Variants in KRT37 observed in about 807,000 individuals in gnomAD.
The protein encoded by KRT37 is keratin, type I cuticular Ha7.
Under a neutral mutation model 41.9 loss-of-function variants are expected in KRT37, and 38 were observed. The observed-to-expected ratio is 0.91, with a 90% confidence interval of 0.70 to 1.19. The LOEUF is 1.19. Among genes scored for constraint, KRT37 ranks in the 50% most tolerant of loss-of-function variants. KRT37 has a pLI of 0.00. For missense variants in KRT37, 580 were observed against 575.5 expected (o/e 1.01, Z -0.08); for synonymous variants, 252 against 243.4 (o/e 1.04, Z -0.33).
Position 41,421,651 on chromosome 17 carries a change from A to G in KRT37, c.1021-64T>C, listed in dbSNP as rs1340111055. ...CCAAAACTCAGCAGTGAAAATCATG[A>G]CCAAACTCATCACACATAGGGCAAA... On this transcript the variant is annotated intron_variant, in intron 5 of 6. Coordinates refer to ENST00000225550, the MANE Select transcript of KRT37 (RefSeq NM_003770.5). 8 of 1,509,408 alleles carry G rather than the reference A, an allele frequency of 5.3e-6. No individual in the cohort carries two copies. In the African/African-American group the frequency reaches 1.1e-4, roughly 21 times the overall value. 93.5% of individuals were successfully genotyped at this position (1,509,408 alleles called of 1,614,324 possible).
Position 41,422,888 on chromosome 17 carries a change from A to C in KRT37, c.622T>G (p.Cys208Gly), listed in dbSNP as rs780697379. The C allele has an allele frequency of 1.2e-6, 2 of 1,614,010 alleles. No individual in the cohort carries two copies. The highest frequency in any genetic ancestry group is 2.2e-5 in the South Asian group (2 of 91,070). The change falls in exon 3 of 7, where the codon TGC becomes GGC. Residue 208 changes from cysteine to glycine, a missense_variant. By Grantham distance (159) the Cys-to-Gly change is radical. Transcript: ENST00000225550. ...SLHQLVEADK[C>G]GTQKLLDDAT... ...TCATCCAGGAGCTTCTGCGTCCCGC[A>C]CTTGTCCGCCTCCACCAGCTGGTGA... is the stretch of plus-strand genomic sequence containing the variant.
At chr17:41,421,222 CA>C (rs2018534768) in intron 6 of KRT37, 144 bp downstream of exon 6, 1 of 919,500 alleles carries the variant, frequency 1.1e-6, no homozygotes, top group African/African-American at 1.7e-5. Context: ...CTGCACAGAC[CA>C]GGAGAGGTTA....
intron 6 of KRT37, 92 bp downstream of exon 6, chr17:41,421,275 A>G (rs2018535385): frequency 3.0e-6 from 4 of 1,345,424 alleles, no homozygotes. Flanking sequence ...CTTGTTTGTT[A>G]AGATGATATC....
rs374160926 is a variant in KRT37, at chr17:41,424,341, G to A, written c.183C>T (p.Pro61=). 23 of 1,614,012 alleles carry A rather than the reference G, an allele frequency of 1.4e-5. No individual in the cohort carries two copies. The highest frequency in any genetic ancestry group is 3.3e-4 in the Middle Eastern group (2 of 6,084). Residue 61 remains proline, a synonymous_variant, in exon 1 of 7, where the codon CCC becomes CCT. Coordinates refer to ENST00000225550, the MANE Select transcript of KRT37 (RefSeq NM_003770.5). ...GCAGACAGAGGCTGGGGCGGCCCAG[G>A]GGAGTCGACCCCACACGGACTCTGT... ...HANRVRVGST[P]LGRPSLCLPP...
rs1251097734 is a variant in KRT37 at position 41,422,372 on chromosome 17, G to A, written c.795C>T (p.Pro265=). The change falls in exon 4 of 7, where the codon CCC becomes CCT. Residue 265 remains proline, a synonymous_variant. Transcript: ENST00000225550. ...EKFRIELDIE[P]TIDLNRVLGE... ...CCAACACCCTGTTCAGGTCAATGGTGGGCTCAATGTCCAGCTCGATCCGGA... is the reference window on the plus strand; with the variant it reads ...CCAACACCCTGTTCAGGTCAATGGTAGGCTCAATGTCCAGCTCGATCCGGA... 3 of 1,614,028 alleles carry A rather than the reference G, an allele frequency of 1.9e-6. No individual in the cohort carries two copies. The highest frequency in any genetic ancestry group is 2.5e-6 in the Non-Finnish European group (3 of 1,180,004).
At position 41,421,622 on chromosome 17, in the gene KRT37, T is replaced by C. The variant is rs1597719700; in HGVS notation, c.1021-35A>G. Reference sequence around the variant, plus strand: ...GAAATAATGGGGTAAGAGATCCAGGTGCCCCAAAACTCAGCAGTGAAAATC... The same window carrying C: ...GAAATAATGGGGTAAGAGATCCAGGCGCCCCAAAACTCAGCAGTGAAAATC... On this transcript the variant is annotated intron_variant, in intron 5 of 6. Transcript: ENST00000225550. The C allele has an allele frequency of 4.4e-6, 7 of 1,599,830 alleles. No homozygotes were observed. The East Asian group carries it at 1.6e-4, about 36-fold the overall frequency.
chr17:41,421,108 C>T (rs754678430), intron 6 of KRT37, 122 bp from the exon 7 acceptor site: 23 of 799,246 alleles, frequency 2.9e-5, no homozygotes, highest in Admixed American at 1.7e-4. Context: ...GAATCTATAC[C>T]AACAGTTCTC....
At position 41,424,364 on chromosome 17, in the gene KRT37, T is replaced by G. The variant is rs769535161; in HGVS notation, c.160A>C (p.Arg54=). The stretch of plus-strand genomic sequence containing the variant: ...AGGGGAGTCGACCCCACACGGACTC[T>G]GTTGGCGTGTGCCACGTTGGCCAAG... The part of the protein sequence containing the change: ...CLLANVAHAN[R]VRVGSTPLGR... The change falls in exon 1 of 7, where the codon AGA becomes CGA. Residue 54 remains arginine, a synonymous_variant. Coordinates refer to ENST00000225550, the MANE Select transcript of KRT37 (RefSeq NM_003770.5). 1.8e-5 allele frequency: 29 copies of G among 1,613,894 alleles called. No individual in the cohort carries two copies. Among genetic ancestry groups the G allele is most frequent in the Admixed American group, 1.2e-4 (7 of 59,998 alleles).
At chr17:41,423,733 T>A in intron 2 of KRT37, 29 bp downstream of exon 2, 1 of 1,604,930 alleles carries the variant, frequency 6.2e-7, no homozygotes, top group Non-Finnish European at 8.5e-7. Flanking sequence ...AGGAGAGAAG[T>A]CACACTGACC....
At position 41,424,287 on chromosome 17, in the gene KRT37, C is replaced by G; in HGVS notation, c.237G>C (p.Leu79Phe). Residue 79 changes from leucine (L) to phenylalanine (F), a missense_variant, in exon 1 of 7, where the codon TTG becomes TTC. By Grantham distance (22) the Leu-to-Phe change is conservative. Coordinates refer to ENST00000225550, the MANE Select transcript of KRT37 (RefSeq NM_003770.5). ...LPPTSHTACP[L>F]PGTCHIPGNI... ...TGCCGGGAATGTGACAGGTCCCTGG[C>G]AAGGGACAAGCAGTGTGACTGGTTG... 6.2e-7 allele frequency: 1 copy of G among 1,614,182 alleles called. No individual in the cohort carries two copies. The highest frequency in any genetic ancestry group is 8.5e-7 in the Non-Finnish European group (1 of 1,180,008).
rs2018527771 is a variant in KRT37 at position 41,420,752 on chromosome 17, A to G, written c.*126T>C. On this transcript the variant is annotated 3_prime_UTR_variant, in exon 7 of 7. Transcript: ENST00000225550. ...AGGCAGGGAGCCACTCCTTGGAAGT[A>G]TCTGCTACCGGTTGATTTAGGGAAA... is the stretch of plus-strand genomic sequence containing the variant. 1.7e-6 allele frequency: 1 copy of G among 600,582 alleles called. No homozygotes were observed. Among genetic ancestry groups the G allele is most frequent in the African/African-American group, 1.8e-5 (1 of 54,706 alleles). 37.2% of individuals were successfully genotyped at this position (600,582 alleles called of 1,614,324 possible). A position where few individuals can be genotyped will look rare whatever the true frequency, so the allele number is the denominator to read the frequency against.
Position 41,424,404 on chromosome 17 carries a change from A to G in KRT37, c.120T>C (p.Ala40=). 2 of 1,613,588 alleles carry G rather than the reference A, an allele frequency of 1.2e-6. No homozygotes were observed. The highest frequency in any genetic ancestry group is 1.7e-6 in the Non-Finnish European group (2 of 1,179,576). Residue 40 remains alanine (A), a synonymous_variant, in exon 1 of 7, where the codon GCT becomes GCC. Transcript: ENST00000225550. ...CGTTGGCCAAGAGGCACATGGAGGC[A>G]GCATTGGCCTCTGCCACAGGCTGGC... ...VGCQPVAEAN[A]ASMCLLANVA... is the part of the protein sequence containing the mutation.
At chr17:41,421,669 A>G (rs555741797) in intron 5 of KRT37, 82 bp from the exon 6 acceptor site, 1 of 1,329,034 alleles carries the variant, frequency 7.5e-7, no homozygotes, top group East Asian at 2.4e-5. Context: ...CATCACACAT[A>G]GGGCAAATTC....
At chr17:41,423,656 G>T in intron 2 of KRT37, 106 bp downstream of exon 2, 1 of 953,872 alleles carries the variant, frequency 1.0e-6, no homozygotes, top group Non-Finnish European at 1.6e-6. Context: ...TATTCTTCTA[G>T]TCAAAAACTG....
At chr17:41,422,612 A>G (rs1350019425) in intron 3 of KRT37, among the ~76,000 whole-genome samples, 166 bp downstream of exon 3, 2 of 152,072 alleles carry the variant, frequency 1.3e-5, no homozygotes, top group African/African-American at 4.8e-5. Flanking sequence ...CTCATGCCCA[A>G]GGCAAGTCTG....
Position 41,424,173 on chromosome 17 carries a change from G to A in KRT37, c.351C>T (p.Asn117=). 4 of 1,614,268 alleles carry A rather than the reference G, an allele frequency of 2.5e-6. No individual in the cohort carries two copies. The change falls in exon 1 of 7, where the codon AAC becomes AAT. Residue 117 remains asparagine, a synonymous_variant. Coordinates refer to ENST00000225550, the MANE Select transcript of KRT37 (RefSeq NM_003770.5). The part of the protein sequence containing the change: ...TMKFLNDRLA[N]YLEKVRQLEQ... ...CCAGCTGGCGCACCTTCTCCAGGTAGTTGGCCAGGCGGTCATTCAGGAACT... is the reference window on the plus strand; with the variant it reads ...CCAGCTGGCGCACCTTCTCCAGGTAATTGGCCAGGCGGTCATTCAGGAACT...
chr17:41,421,462 C>A lies in KRT37; in HGVS notation c.1146G>T (p.Arg382=). ...GCAGCACCTGGTACTCCTGGTTCTG[C>A]CGCTCCAGGTCGGCCCGGATCTCAG... The part of the protein sequence containing the change: ...QLSEIRADLE[R]QNQEYQVLLD... Residue 382 remains arginine (R), a synonymous_variant, in exon 6 of 7, where the codon CGG becomes CGT. Coordinates refer to ENST00000225550, the MANE Select transcript of KRT37 (RefSeq NM_003770.5). 1 of 1,614,206 alleles carries A rather than the reference C, an allele frequency of 6.2e-7. No individual in the cohort carries two copies. Among genetic ancestry groups the A allele is most frequent in the Non-Finnish European group, 8.5e-7 (1 of 1,180,032 alleles).
Position 41,422,436 on chromosome 17 carries a change from T to C in KRT37, c.733-2A>G, listed in dbSNP as rs2018554048. On this transcript the variant is annotated splice_acceptor_variant, in intron 3 of 6. Transcript: ENST00000225550. LOFTEE classifies it high-confidence loss of function. Reference sequence around the variant, plus strand: ...CTGACTCCTCAGAATCTTTACTTCCTGCAGAAATGGAAGCGATAGACAGCC... The same window carrying C: ...CTGACTCCTCAGAATCTTTACTTCCCGCAGAAATGGAAGCGATAGACAGCC... The C allele has an allele frequency of 6.2e-7, 1 of 1,614,068 alleles. No individual in the cohort carries two copies. The highest frequency in any genetic ancestry group is 1.1e-5 in the South Asian group (1 of 91,056).
rs200010289 is a variant in KRT37, at chr17:41,421,432, G to A, written c.1176C>T (p.Asp392=). The A allele has an allele frequency of 8.7e-6, 14 of 1,614,180 alleles. No individual in the cohort carries two copies. Among genetic ancestry groups the A allele is most frequent in the South Asian group, 4.4e-5 (4 of 91,084 alleles). ...RQNQEYQVLL[D]VKARLENEIA... The stretch of plus-strand genomic sequence containing the variant: ...TCTCGTTCTCCAACCGGGCCTTCAC[G>A]TCCAGCAGCACCTGGTACTCCTGGT... Residue 392 remains aspartate, a synonymous_variant, in exon 6 of 7, where the codon GAC becomes GAT. Transcript: ENST00000225550.
Sources: allele counts gnomAD v4.1 joint callset (sites outside exome capture counted in the v4.1 genomes callset), GRCh38; gene constraint gnomAD v4.1.1; transcripts MANE v1.5; gene names NCBI Gene and HGNC (gene_info 2026-07-23, HGNC 2026-07-21).